The following AGAP1 variants were observed in gnomAD, a reference collection of about 807,000 sequenced individuals.
AGAP1 encodes the protein ArfGAP with GTPase domain, ankyrin repeat and PH domain 1, also known as arf-GAP with GTPase, ANK repeat and PH domain-containing protein 1.
In AGAP1, 29 loss-of-function variants were observed where a neutral mutation model predicts 105.3. That is an observed-to-expected ratio of 0.28 (90% CI 0.21 to 0.38). AGAP1 has a LOEUF of 0.38. Ranked by LOEUF, AGAP1 falls within the 10% of genes least tolerant of loss-of-function variation. The pLI, the probability that AGAP1 is intolerant of heterozygous loss-of-function variation, is 1.00. For missense variants in AGAP1, 998 were observed against 1,165.1 expected (o/e 0.86, Z 2.09); for synonymous variants, 509 against 485.9 (o/e 1.05, Z -0.63).
At chr2:235,514,227 C>T (rs1942283097) in intron 1 of AGAP1, among the ~76,000 whole-genome samples, 1 of 152,206 alleles carries the variant, frequency 6.6e-6, no homozygotes, top group Admixed American at 6.5e-5. Context: ...TCATGTTTGA[C>T]AGCTGGGTTA....
chr2:236,105,951 C>T lies in AGAP1; in HGVS notation c.2115-14241C>T, dbSNP rs1576318774. 1.3e-5 allele frequency among the ~76,000 whole-genome samples: 2 copies of T among 152,284 alleles called. No individual in the cohort carries two copies. The highest frequency in any genetic ancestry group is 2.9e-5 in the Non-Finnish European group (2 of 68,024). On this transcript the variant is annotated intron_variant, in intron 16 of 17. Transcript: ENST00000304032. The surrounding 1 kb of genome is among the most constrained non-coding windows in gnomAD (Gnocchi z 4.2). ...AATCCCATTCATGGGAGTCTACTCT[C>T]CTGACCTAATCACCTCCCAGAGGTC...
In AGAP1 at chr2:235,716,403, G is replaced by A. The variant is rs776900383; in HGVS notation, c.223-1154G>A. Among the ~76,000 whole-genome samples the A allele has an allele frequency of 2.6e-5, 4 of 152,154 alleles. No individual in the cohort carries two copies. Among genetic ancestry groups the A allele is most frequent in the Non-Finnish European group, 4.4e-5 (3 of 68,034 alleles). On this transcript the variant is annotated intron_variant, in intron 2 of 17. Transcript: ENST00000304032. The surrounding 1 kb of genome is among the most constrained non-coding windows in gnomAD (Gnocchi z 4.0). ...AGTGGCTTTGAAATGGAAGTTGCGG[G>A]TGACCTAGTGGGCAGTTTCCTGGTA...
chr2:235,558,834 G>T (rs1251386384), intron 1 of AGAP1, among the ~76,000 whole-genome samples: 1 of 152,126 alleles, frequency 6.6e-6, no homozygotes, highest in East Asian at 1.9e-4. Context: ...TAGAAGGAGA[G>T]CACATACACA....
At position 235,961,767 on chromosome 2, in the gene AGAP1, C is replaced by T. The variant is rs1023448896; in HGVS notation, c.1484-6695C>T. 5.3e-5 allele frequency among the ~76,000 whole-genome samples: 8 copies of T among 152,120 alleles called. No individual in the cohort carries two copies. Among genetic ancestry groups the T allele is most frequent in the South Asian group, 2.1e-4 (1 of 4,832 alleles). ...ACTAAAAATACGAAAATTAGCTGGG[C>T]GTGGTGCAGGAGAATCTCTTGAACC... On this transcript the variant is annotated intron_variant, in intron 12 of 17. Coordinates refer to ENST00000304032, the MANE Select transcript of AGAP1 (RefSeq NM_001037131.3). The surrounding 1 kb of genome is among the most constrained non-coding windows in gnomAD (Gnocchi z 5.9).
intron 16 of AGAP1, among the ~76,000 whole-genome samples, chr2:236,102,259 T>C (rs1316161909): frequency 1.3e-5 from 2 of 151,536 alleles, no homozygotes; most frequent in East Asian, 1.9e-4. Context: ...CTACTAAAAA[T>C]ACAAAAAATT....
rs2050098042 is a variant in AGAP1 at position 235,882,820 on chromosome 2, C to T, written c.1051-525C>T. 1.3e-5 allele frequency among the ~76,000 whole-genome samples: 2 copies of T among 151,394 alleles called. No individual in the cohort carries two copies. The highest frequency in any genetic ancestry group is 2.9e-5 in the Non-Finnish European group (2 of 67,876). ...GTTTGTTCTTTCTTTTTCTCTTTGT[C>T]TCTCCTCTCTCTTTCTTTCACTCGC... is the stretch of plus-strand genomic sequence containing the variant. On this transcript the variant is annotated intron_variant, in intron 9 of 17. Transcript: ENST00000304032. This position sits in a 1 kb window ranked among gnomAD's most constrained non-coding sequence, Gnocchi z 4.6.
At chr2:236,048,570 G>T (rs1403643457) in intron 15 of AGAP1, among the ~76,000 whole-genome samples, 1 of 152,150 alleles carries the variant, frequency 6.6e-6, no homozygotes, top group Admixed American at 6.5e-5. Context: ...CATGCCCGTT[G>T]TGTACCTACT....
intron 1 of AGAP1, among the ~76,000 whole-genome samples, chr2:235,641,573 G>A (rs375832577): frequency 2.6e-5 from 4 of 152,126 alleles, no homozygotes; most frequent in South Asian, 2.1e-4. Context: ...CTCCTCTCCC[G>A]CCCACGCGGC....
intron 9 of AGAP1, among the ~76,000 whole-genome samples, chr2:235,850,157 G>C (rs1309281671): frequency 6.6e-6 from 1 of 152,226 alleles, no homozygotes; most frequent in Non-Finnish European, 1.5e-5. Context: ...CCGTGGGTTA[G>C]TAACCGGACG....
intron 10 of AGAP1, among the ~76,000 whole-genome samples, chr2:235,898,059 A>G (rs1575728135): frequency 6.6e-6 from 1 of 152,184 alleles, no homozygotes. Flanking sequence ...CGCATCGGCT[A>G]TTTGCCTGTT....
intron 16 of AGAP1, among the ~76,000 whole-genome samples, chr2:236,075,244 C>T (rs2058605104): frequency 1.3e-5 from 2 of 151,922 alleles, no homozygotes. Context: ...GTGATGGTTG[C>T]GCGCTGGGTT....
intron 13 of AGAP1, among the ~76,000 whole-genome samples, chr2:235,987,834 T>C (rs2055385718): frequency 6.6e-6 from 1 of 152,194 alleles, no homozygotes; most frequent in Non-Finnish European, 1.5e-5. Flanking sequence ...AATTCTTCTC[T>C]TACATCATTC....
Position 235,733,476 on chromosome 2 carries a change from C to T in AGAP1, c.311-7487C>T, listed in dbSNP as rs151101347. ...TTTTTTGAGGTTTATTATGTAAAGCCGTGCCCCTTTTCCTGTTGGATGGTG... is the reference window on the plus strand; with the variant it reads ...TTTTTTGAGGTTTATTATGTAAAGCTGTGCCCCTTTTCCTGTTGGATGGTG... On this transcript the variant is annotated intron_variant, in intron 3 of 17. Transcript: ENST00000304032. The surrounding 1 kb of genome is among the most constrained non-coding windows in gnomAD (Gnocchi z 5.0). Among the ~76,000 whole-genome samples the T allele has an allele frequency of 6.6e-5, 10 of 152,248 alleles. No homozygotes were observed. In the East Asian group the frequency reaches 9.7e-4, roughly 15 times the overall value.
At chr2:235,938,448 G>A (rs558697597) in intron 12 of AGAP1, among the ~76,000 whole-genome samples, 2 of 152,338 alleles carry the variant, frequency 1.3e-5, no homozygotes, top group East Asian at 3.9e-4. Context: ...GCCATCAGAT[G>A]TGTGGATGCC....
At chr2:235,946,083 C>G (rs1032659290) in intron 12 of AGAP1, among the ~76,000 whole-genome samples, 5 of 146,720 alleles carry the variant, frequency 3.4e-5, no homozygotes, top group African/African-American at 8.2e-5. Context: ...AGACACAGAT[C>G]CAAATTATGC....
rs1192192450 is a variant in AGAP1, at chr2:236,113,211, A to G, written c.2115-6981A>G. 1.3e-5 allele frequency among the ~76,000 whole-genome samples: 2 copies of G among 151,942 alleles called. No individual in the cohort carries two copies. The highest frequency in any genetic ancestry group is 1.9e-4 in the East Asian group (1 of 5,166). ...GCTGGAGTGCAGTGGTGCAATCTCA[A>G]CTCACTGCAACCTCCGCCTCCCGGG... On this transcript the variant is annotated intron_variant, in intron 16 of 17. Transcript: ENST00000304032. This position sits in a 1 kb window ranked among gnomAD's most constrained non-coding sequence, Gnocchi z 4.3.
intron 5 of AGAP1, among the ~76,000 whole-genome samples, chr2:235,748,373 A>G (rs1040739194): frequency 2.0e-5 from 3 of 152,240 alleles, no homozygotes; most frequent in East Asian, 1.9e-4. Context: ...GCATTGAAAC[A>G]TCATGGACTT....
intron 6 of AGAP1, among the ~76,000 whole-genome samples, chr2:235,759,202 T>C (rs1332356369): frequency 7.1e-6 from 1 of 140,504 alleles, no homozygotes; most frequent in Non-Finnish European, 1.5e-5. Flanking sequence ...GGAGTCTCGC[T>C]CTGTCACCCA....
intron 8 of AGAP1, among the ~76,000 whole-genome samples, chr2:235,802,718 G>GTGGTTGTGATGGTGA (rs1229952389): frequency 1.1e-4 from 16 of 141,622 alleles, no homozygotes; most frequent in Non-Finnish European, 2.5e-4. Context: ...AATGATGGTT[G>GTGGTTGTGATGGTGA]TGGTTGTGAT....
Sources: allele counts gnomAD v4.1 joint callset (sites outside exome capture counted in the v4.1 genomes callset), GRCh38; gene constraint gnomAD v4.1.1; non-coding constraint Gnocchi (gnomAD v3.1); transcripts MANE v1.5; gene names NCBI Gene and HGNC (gene_info 2026-07-23, HGNC 2026-07-21).